The following SLC35F3 variants were observed in gnomAD, a reference collection of about 807,000 sequenced individuals.
SLC35F3 encodes the protein putative thiamine transporter SLC35F3.
Under a neutral mutation model 49.9 loss-of-function variants are expected in SLC35F3, and 25 were observed. The ratio of observed to expected loss-of-function variants is 0.50; its 90% confidence interval spans 0.37 to 0.70. SLC35F3 has a LOEUF of 0.70. Ranked by LOEUF, SLC35F3 falls within the 30% of genes least tolerant of loss-of-function variation. SLC35F3 has a pLI of 0.00. For synonymous variants in SLC35F3, 275 were observed against 265.4 expected (o/e 1.04, Z -0.35); for missense variants, 525 against 639.8 (o/e 0.82, Z 1.94).
At chr1:234,223,274 G>T (rs1667236654) in intron 2 of SLC35F3, among the ~76,000 whole-genome samples, 1 of 152,174 alleles carries the variant, frequency 6.6e-6, no homozygotes, top group African/African-American at 2.4e-5. Context: ...TGATTACTGA[G>T]ATGGTGATGA....
intron 2 of SLC35F3, among the ~76,000 whole-genome samples, chr1:234,200,226 A>G (rs1319544036): frequency 1.3e-5 from 2 of 152,220 alleles, no homozygotes; most frequent in African/African-American, 4.8e-5. Flanking sequence ...TCTGATGGCT[A>G]ATGACGTTAA....
Position 234,039,871 on chromosome 1 carries a change from A to G in SLC35F3, c.283+134113A>G, listed in dbSNP as rs968204914. ...CAAGGCCCCAGAAGGCACCGTTACA[A>G]TGCTCTCTTAGTTCCGCCATCCACA... On this transcript the variant is annotated intron_variant, in intron 2 of 7. Coordinates refer to ENST00000366618, the MANE Select transcript of SLC35F3 (RefSeq NM_173508.4). Among the ~76,000 whole-genome samples, 3 of 152,234 alleles carry G rather than the reference A, an allele frequency of 2.0e-5. No individual in the cohort carries two copies. In the South Asian group the frequency reaches 6.2e-4, roughly 32 times the overall value.
rs1553260466 is a variant in SLC35F3 at position 234,275,763 on chromosome 1, A to AT, written c.609-33338_609-33337insT. On this transcript the variant is annotated intron_variant, in intron 3 of 7. Coordinates refer to ENST00000366618, the MANE Select transcript of SLC35F3 (RefSeq NM_173508.4). ...CATTGGTAAGTATTGAAAAAAAAAA[A>AT]ATATATATATATATATATAGCACAG... 9.2e-3 allele frequency among the ~76,000 whole-genome samples: 1,252 copies of AT among 135,500 alleles called. 16 individuals are homozygous for AT. The highest frequency in any genetic ancestry group is 0.074 in the East Asian group (339 of 4,560). The allele number at this position is 135,500 out of a possible 152,430, so 88.9% of individuals were successfully genotyped here.
At chr1:233,941,003 A>G (rs114996821) in intron 2 of SLC35F3, among the ~76,000 whole-genome samples, 3,069 of 152,230 alleles carry the variant, frequency 0.02, 43 homozygotes, top group Non-Finnish European at 0.029. Context: ...CTTATTTTTC[A>G]TTATTTTTCC....
chr1:234,305,440 T>TG (rs1657137046), intron 3 of SLC35F3, among the ~76,000 whole-genome samples: 1 of 150,504 alleles, frequency 6.6e-6, no homozygotes. Flanking sequence ...TAGAATGCAG[T>TG]GGCACCACCT....
intron 3 of SLC35F3, among the ~76,000 whole-genome samples, chr1:234,249,465 T>G (rs748032565): frequency 3.9e-5 from 6 of 152,276 alleles, no homozygotes; most frequent in Admixed American, 3.9e-4. Context: ...TTATGCCACC[T>G]CTTGTGGCAC....
In SLC35F3 at chr1:234,231,850, C is replaced by A; in HGVS notation, c.608+109C>A. 9.3e-7 allele frequency: 1 copy of A among 1,072,244 alleles called. No individual in the cohort carries two copies. Among genetic ancestry groups the A allele is most frequent in the Non-Finnish European group, 1.4e-6 (1 of 730,958 alleles). 66.4% of individuals were successfully genotyped at this position (1,072,244 alleles called of 1,614,324 possible). A position where few individuals can be genotyped will look rare whatever the true frequency, so the allele number is the denominator to read the frequency against. ...GGCGCTGGGATGAGCCGGTGGGAGC[C>A]CGTGGAGAGATGTTGCAGTGAATGC... On this transcript the variant is annotated intron_variant, in intron 3 of 7. Coordinates refer to ENST00000366618, the MANE Select transcript of SLC35F3 (RefSeq NM_173508.4). This position sits in a 1 kb window ranked among gnomAD's most constrained non-coding sequence, Gnocchi z 5.4.
intron 3 of SLC35F3, among the ~76,000 whole-genome samples, chr1:234,280,129 A>G (rs1668299662): frequency 6.6e-6 from 1 of 152,226 alleles, no homozygotes; most frequent in South Asian, 2.1e-4. Flanking sequence ...CTTCCCATAT[A>G]GAACATATTA....
chr1:234,174,904 G>A (rs1666453170), intron 2 of SLC35F3, among the ~76,000 whole-genome samples: 1 of 152,218 alleles, frequency 6.6e-6, no homozygotes, highest in Non-Finnish European at 1.5e-5. Flanking sequence ...GTTAGGCAGG[G>A]AATGAAGGAG....
rs116960263 is a variant in SLC35F3 at position 234,244,618 on chromosome 1, C to A, written c.608+12877C>A. ...TAGAAAAAGAAGTGCTTGATTATCA[C>A]TTTTTTTTTTTTTTGGAAATTAGTC... On this transcript the variant is annotated intron_variant, in intron 3 of 7. Transcript: ENST00000366618. 3.8e-3 allele frequency among the ~76,000 whole-genome samples: 553 copies of A among 144,194 alleles called. 21 individuals carry two copies. The South Asian group carries it at 0.059, about 15-fold the overall frequency. 94.6% of individuals were successfully genotyped at this position (144,194 alleles called of 152,430 possible). A position where few individuals can be genotyped will look rare whatever the true frequency, so the allele number is the denominator to read the frequency against.
At chr1:234,000,144 G>C (rs1033095072) in intron 2 of SLC35F3, among the ~76,000 whole-genome samples, 1 of 152,066 alleles carries the variant, frequency 6.6e-6, no homozygotes, top group African/African-American at 2.4e-5. Flanking sequence ...GAATCACAAG[G>C]GTTCTAACTA....
chr1:233,984,850 A>G (rs1042603296), intron 2 of SLC35F3, among the ~76,000 whole-genome samples: 1 of 152,208 alleles, frequency 6.6e-6, no homozygotes, highest in South Asian at 2.1e-4. Context: ...TTTAATTTCT[A>G]TAAGAAAACC....
At chr1:234,298,164 G>A (rs1668635604) in intron 3 of SLC35F3, among the ~76,000 whole-genome samples, 1 of 152,080 alleles carries the variant, frequency 6.6e-6, no homozygotes, top group African/African-American at 2.4e-5. Context: ...ATGTAAATAT[G>A]TGACATCTCA....
chr1:234,249,913 A>T (rs1667709220), intron 3 of SLC35F3, among the ~76,000 whole-genome samples: 1 of 152,218 alleles, frequency 6.6e-6, no homozygotes, highest in South Asian at 2.1e-4. Flanking sequence ...AGTTTGTGGA[A>T]TGTATAGTTT....
At position 234,318,328 on chromosome 1, in the gene SLC35F3, C is replaced by T. The variant is rs117008152; in HGVS notation, c.955-423C>T. 3.9e-5 allele frequency among the ~76,000 whole-genome samples: 6 copies of T among 152,290 alleles called. No homozygotes were observed. The East Asian group carries it at 9.6e-4, about 24-fold the overall frequency. ...GCAGAGATGAGCAAAATCCCTCCAC[C>T]CTTGATTTACAGAACGTATCTTTGC... On this transcript the variant is annotated intron_variant, in intron 5 of 7. Transcript: ENST00000366618.
intron 2 of SLC35F3, among the ~76,000 whole-genome samples, chr1:234,165,470 A>G (rs1252056349): frequency 1.3e-5 from 2 of 152,248 alleles, no homozygotes; most frequent in Admixed American, 1.3e-4. Context: ...AGAATTCAAC[A>G]TGAACAAGTT....
chr1:234,203,790 G>C (rs760763341), intron 2 of SLC35F3, among the ~76,000 whole-genome samples: 4 of 151,980 alleles, frequency 2.6e-5, no homozygotes, highest in Non-Finnish European at 4.4e-5. Context: ...TGTCAGAGAA[G>C]TCTCAAGGAA....
At chr1:234,005,883 G>C (rs559708122) in intron 2 of SLC35F3, among the ~76,000 whole-genome samples, 187 of 152,232 alleles carry the variant, frequency 1.2e-3, no homozygotes, top group Non-Finnish European at 2.1e-3. Flanking sequence ...CAGAAGACTG[G>C]ATCACGCATC....
At chr1:234,248,055 G>C (rs575315982) in intron 3 of SLC35F3, among the ~76,000 whole-genome samples, 288 of 152,062 alleles carry the variant, frequency 1.9e-3, no homozygotes, top group African/African-American at 6.3e-3. Flanking sequence ...TGAATGGCTG[G>C]TCTATTGTTC....
Sources: gnomAD v4.1 joint callset for allele counts (sites outside exome capture counted in the v4.1 genomes callset) on GRCh38, gnomAD v4.1.1 for gene constraint, Gnocchi (gnomAD v3.1) non-coding constraint, MANE v1.5 for transcripts, NCBI Gene and HGNC (gene_info 2026-07-23, HGNC 2026-07-21) for gene names.